ZFHX3: variants seen among roughly 807,000 people sequenced by gnomAD.
ZFHX3 encodes the protein zinc finger homeobox 3, also known as zinc finger homeobox protein 3.
In ZFHX3, 42 loss-of-function variants were observed where a neutral mutation model predicts 279.1. That is an observed-to-expected ratio of 0.15 (90% CI 0.12 to 0.19). The LOEUF is 0.19. Ranked by LOEUF, ZFHX3 falls within the 10% of genes least tolerant of loss-of-function variation. ZFHX3 has a pLI of 1.00. For missense variants in ZFHX3, 4,981 were observed against 4,754.0 expected (o/e 1.05, Z -1.40); for synonymous variants, 2,293 against 1,957.8 (o/e 1.17, Z -4.52).
Position 73,263,486 on chromosome 16 carries a change from G to T in ZFHX3, c.-1193-6350C>A, listed in dbSNP as rs192664381. Among the ~76,000 whole-genome samples, 3 of 152,192 alleles carry T rather than the reference G, an allele frequency of 2.0e-5. No homozygotes were observed. The South Asian group carries it at 6.2e-4, about 32-fold the overall frequency. ...TTACAGGCGTAAGCCACTGTGCCCA[G>T]CCTCTAGGAAGTCTTGGGTGACCAA... On this transcript the variant is annotated intron_variant, in intron 4 of 17. Coordinates refer to the ZFHX3 transcript ENST00000641206.
intron 1 of ZFHX3, among the ~76,000 whole-genome samples, chr16:73,011,788 C>T (rs1039490936): frequency 1.3e-5 from 2 of 151,660 alleles, no homozygotes; most frequent in Non-Finnish European, 1.5e-5. Context: ...CCCCTCCCCC[C>T]AAAATACTGG....
intron 3 of ZFHX3, among the ~76,000 whole-genome samples, chr16:72,942,329 C>A (rs1007131243): frequency 1.3e-5 from 2 of 152,152 alleles, no homozygotes; most frequent in African/African-American, 4.8e-5. Context: ...AATATTTGCA[C>A]AAAATTCTCC....
At chr16:73,585,451 A>G (rs1266145279) in intron 2 of ZFHX3, among the ~76,000 whole-genome samples, 1 of 152,106 alleles carries the variant, frequency 6.6e-6, no homozygotes, top group Non-Finnish European at 1.5e-5. Flanking sequence ...GCTTGTCGGG[A>G]GGTGGGGGCA....
At chr16:72,818,411 C>G (rs967705090) in intron 5 of ZFHX3, among the ~76,000 whole-genome samples, 3 of 152,194 alleles carry the variant, frequency 2.0e-5, no homozygotes, top group East Asian at 1.9e-4. Context: ...ACTTGAATCT[C>G]CTGTGGAGCT....
At chr16:73,054,302 C>T (rs576366680) in intron 1 of ZFHX3, among the ~76,000 whole-genome samples, 1 of 152,056 alleles carries the variant, frequency 6.6e-6, no homozygotes, top group African/African-American at 2.4e-5. Flanking sequence ...AAAGTGGGCT[C>T]GCAGGGGACA....
intron 1 of ZFHX3, among the ~76,000 whole-genome samples, chr16:73,783,478 T>C (rs1959540749): frequency 6.6e-6 from 1 of 152,228 alleles, no homozygotes; most frequent in Non-Finnish European, 1.5e-5. Context: ...CAGGAAAGAA[T>C]GGGAGTTTAA....
At chr16:73,139,935 T>C (rs376173502) in intron 6 of ZFHX3, among the ~76,000 whole-genome samples, 23 of 152,274 alleles carry the variant, frequency 1.5e-4, no homozygotes, top group African/African-American at 5.3e-4. Context: ...ATCTCTCAGC[T>C]CAGTGCTTCT....
intron 3 of ZFHX3, among the ~76,000 whole-genome samples, chr16:72,923,085 A>G (rs1204907450): frequency 1.3e-5 from 2 of 152,062 alleles, no homozygotes; most frequent in African/African-American, 4.8e-5. Context: ...ATGTGTATCT[A>G]TGTATATGTT....
chr16:73,816,490 T>C (rs941594641), intron 1 of ZFHX3, among the ~76,000 whole-genome samples: 1 of 152,236 alleles, frequency 6.6e-6, no homozygotes, highest in African/African-American at 2.4e-5. Flanking sequence ...CTGTGGCTGC[T>C]TTCACTTTGC....
At chr16:72,800,631 AAAG>A (rs767352994) in intron 7 of ZFHX3, among the ~76,000 whole-genome samples, 1 of 152,224 alleles carries the variant, frequency 6.6e-6, no homozygotes, top group African/African-American at 2.4e-5. Flanking sequence ...GGTAAGAAGA[AAAG>A]AAGAGAACAA....
At chr16:73,736,309 G>C (rs924249579) in intron 1 of ZFHX3, among the ~76,000 whole-genome samples, 1 of 152,070 alleles carries the variant, frequency 6.6e-6, no homozygotes, top group Non-Finnish European at 1.5e-5. Flanking sequence ...GCAGCAGCCT[G>C]CATGGACCAA....
intron 2 of ZFHX3, among the ~76,000 whole-genome samples, chr16:73,574,763 C>T (rs994304922): frequency 1.2e-4 from 19 of 152,132 alleles, no homozygotes; most frequent in Non-Finnish European, 1.9e-4. Context: ...AACTATCTTT[C>T]TGCTCCTTCA....
At chr16:72,970,018 C>T (rs1046556832) in intron 1 of ZFHX3, among the ~76,000 whole-genome samples, 1 of 152,190 alleles carries the variant, frequency 6.6e-6, no homozygotes, top group Non-Finnish European at 1.5e-5. Flanking sequence ...ATAAGTGCAT[C>T]TGTGCTATTT....
rs76239888 is a variant in ZFHX3 at position 72,787,039 on chromosome 16, CTTTTTTT to C, written c.*118_*124del. Reference sequence around the variant, plus strand: ...ACAACCCACGCTTTTTCTTTTTTTTCTTTTTTTTTTTTTTTTTGTTTTTTGGTTAGAA... The same window carrying C: ...ACAACCCACGCTTTTTCTTTTTTTTCTTTTTTTTTTGTTTTTTGGTTAGAA... On this transcript the variant is annotated 3_prime_UTR_variant, in exon 10 of 10. Coordinates refer to ENST00000268489, the MANE Select transcript of ZFHX3 (RefSeq NM_006885.4). The C allele has an allele frequency of 3.2e-5, 22 of 684,966 alleles. No individual in the cohort carries two copies. The highest frequency in any genetic ancestry group is 1.0e-4 in the African/African-American group (4 of 39,552). The allele number at this position is 684,966 out of a possible 1,614,324, so 42.4% of individuals were successfully genotyped here.
intron 7 of ZFHX3, chr16:73,126,615 G>A (rs536645346): frequency 6.6e-6 from 1 of 152,328 alleles, no homozygotes; most frequent in African/African-American, 2.4e-5. Flanking sequence ...TTAATAAGTT[G>A]TACCACTCCC....
At chr16:73,677,477 A>G (rs1009909369) in intron 2 of ZFHX3, among the ~76,000 whole-genome samples, 1 of 151,936 alleles carries the variant, frequency 6.6e-6, no homozygotes, top group Non-Finnish European at 1.5e-5. Context: ...CAACTTTAAA[A>G]GCTAGTAGGA....
chr16:73,318,325 A>T (rs1567449076), exon 4 of ZFHX3: 1 of 152,094 alleles, frequency 6.6e-6, no homozygotes, highest in East Asian at 1.9e-4. Context: ...TCCCACACAC[A>T]TCCAGGGCCA....
intron 5 of ZFHX3, among the ~76,000 whole-genome samples, chr16:73,242,379 T>A (rs2013149667): frequency 6.6e-6 from 1 of 152,158 alleles, no homozygotes; most frequent in Non-Finnish European, 1.5e-5. Flanking sequence ...ATTAGCCTGG[T>A]AACTACTGCT....
chr16:73,644,388 G>A (rs925404284), intron 2 of ZFHX3, among the ~76,000 whole-genome samples: 10 of 152,004 alleles, frequency 6.6e-5, no homozygotes, highest in Non-Finnish European at 1.5e-4. Context: ...AGCTGGGCAC[G>A]GTGGCTCATG....
Sources: allele counts gnomAD v4.1 joint callset (sites outside exome capture counted in the v4.1 genomes callset), GRCh38; gene constraint gnomAD v4.1.1; transcripts MANE v1.5; gene names NCBI Gene and HGNC (gene_info 2026-07-23, HGNC 2026-07-21).